SLMAP: variants seen among roughly 807,000 people sequenced by gnomAD.
SLMAP encodes sarcolemma associated protein.
Under a neutral mutation model 128.8 loss-of-function variants are expected in SLMAP, and 44 were observed. The ratio of observed to expected loss-of-function variants is 0.34; its 90% CI spans 0.27 to 0.44. The LOEUF (loss-of-function observed/expected upper bound fraction) is 0.44. SLMAP is among the 20% of genes least tolerant of loss of function. SLMAP has a pLI of 1.00. For synonymous variants in SLMAP, 327 were observed against 348.8 expected (o/e 0.94, Z 0.70); for missense variants, 787 against 985.3 (o/e 0.80, Z 2.69).
intron 5 of SLMAP, among the ~76,000 whole-genome samples, chr3:57,848,309 TCCCTTCTTCTCC>T (rs2094351700): frequency 1.3e-5 from 2 of 149,400 alleles, no homozygotes; most frequent in Non-Finnish European, 3.0e-5. Context: ...CCTCCTTCTC[TCCCTTCTTCTCC>T]CCCTTCTCCT....
intron 17 of SLMAP, chr3:57,899,421 C>T (rs1210007607): frequency 6.6e-6 from 1 of 152,130 alleles, no homozygotes; most frequent in Non-Finnish European, 1.5e-5. Context: ...CCTTGCTTTA[C>T]GTTAAGGTGA....
chr3:57,870,280 G>A (rs571826190), intron 13 of SLMAP, among the ~76,000 whole-genome samples: 1 of 152,044 alleles, frequency 6.6e-6, no homozygotes, highest in East Asian at 1.9e-4. Flanking sequence ...TTTTATCCTG[G>A]CAATTACTAT....
chr3:57,770,567 G>C (rs534466623), intron 2 of SLMAP, among the ~76,000 whole-genome samples: 1 of 152,324 alleles, frequency 6.6e-6, no homozygotes, highest in South Asian at 2.1e-4. Context: ...CCTTAAGGGA[G>C]GCAGTGTAGT....
rs2096825851 is a variant in SLMAP at position 57,916,943 on chromosome 3, A to G, written c.2176A>G (p.Ser726Gly). 6.2e-7 allele frequency: 1 copy of G among 1,613,694 alleles called. No homozygotes were observed. Among genetic ancestry groups the G allele is most frequent in the African/African-American group, 1.3e-5 (1 of 74,910 alleles). Reference protein sequence around the residue: ...KQSLELTSDLSILQMSRKELE... With the variant: ...KQSLELTSDLGILQMSRKELE... ...GAGTTTAGAGCTTACCAGTGATCTC[A>G]GCATCCTTCAAATGTCTAGGAAAGA... is the stretch of plus-strand genomic sequence containing the variant. Residue 726 changes from serine (S) to glycine (G), a missense_variant, in exon 22 of 25, where the codon AGC becomes GGC. This residue lies in a region of SLMAP where 715 missense variants were observed against 843.6 expected (regional missense o/e 0.85). Transcript: ENST00000671191.
At chr3:57,864,778 CTT>C (rs549408176) in intron 11 of SLMAP, 27 bp from the exon 12 acceptor site, 294 of 1,209,926 alleles carry the variant, frequency 2.4e-4, no homozygotes, top group Admixed American at 5.8e-4. Flanking sequence ...TGTGAAATAT[CTT>C]TTTTTTTTTT....
intron 2 of SLMAP, among the ~76,000 whole-genome samples, chr3:57,797,183 TAAAA>T (rs35969510): frequency 1.9e-5 from 2 of 102,700 alleles, no homozygotes; most frequent in East Asian, 2.9e-4. Flanking sequence ...TCCTGTATCT[TAAAA>T]AAAAAAAAAA....
At chr3:57,890,188 A>T in intron 15 of SLMAP, 88 bp downstream of exon 15, 1 of 1,282,076 alleles carries the variant, frequency 7.8e-7, no homozygotes, top group Non-Finnish European at 1.1e-6. Context: ...TATTTTAACC[A>T]TCAGTTTACT....
In SLMAP at chr3:57,906,325, T is replaced by C. The variant is rs796675354; in HGVS notation, c.1502-1559T>C. Among the ~76,000 whole-genome samples, 307 of 130,096 alleles carry C rather than the reference T, an allele frequency of 2.4e-3. 12 individuals are homozygous for C. The highest frequency in any genetic ancestry group is 8.4e-3 in the African/African-American group (296 of 35,218). The allele number at this position is 130,096 out of a possible 152,430, so 85.3% of individuals were successfully genotyped here. A position where few individuals can be genotyped will look rare whatever the true frequency, so the allele number is the denominator to read the frequency against. ...CTTTTTTTTTCTTTTTTTTTTTTTTTTTTTTTTAGAGACACAGTCACTCTC... is the reference window on the plus strand; with the variant it reads ...CTTTTTTTTTCTTTTTTTTTTTTTTCTTTTTTTAGAGACACAGTCACTCTC... On this transcript the variant is annotated intron_variant, in intron 17 of 24. Coordinates refer to ENST00000671191, the MANE Select transcript of SLMAP (RefSeq NM_001377540.1).
intron 12 of SLMAP, 75 bp downstream of exon 12, chr3:57,864,932 C>A: frequency 2.6e-6 from 3 of 1,150,294 alleles, no homozygotes; most frequent in Non-Finnish European, 3.7e-6. Context: ...CTGTCTCACA[C>A]TGCATTTTTT....
chr3:57,886,967 T>C (rs769203044), intron 14 of SLMAP, among the ~76,000 whole-genome samples: 66 of 152,188 alleles, frequency 4.3e-4, no homozygotes, highest in Non-Finnish European at 7.9e-4. Context: ...ATAGGGTTTT[T>C]GTTGGGTAAT....
At chr3:57,769,706 A>T (rs913718544) in intron 2 of SLMAP, among the ~76,000 whole-genome samples, 1 of 152,232 alleles carries the variant, frequency 6.6e-6, no homozygotes, top group Non-Finnish European at 1.5e-5. Context: ...TGAGTATTCA[A>T]GGTAGGTAGG....
chr3:57,871,359 G>T (rs1432101953), intron 13 of SLMAP, among the ~76,000 whole-genome samples: 1 of 152,048 alleles, frequency 6.6e-6, no homozygotes, highest in Non-Finnish European at 1.5e-5. Context: ...GTGGACAAAA[G>T]GTGGAAGAAC....
chr3:57,927,186 A>ATT (rs1483371238), intron 24 of SLMAP, 110 bp from the exon 25 acceptor site: 1 of 511,956 alleles, frequency 2.0e-6, no homozygotes, highest in East Asian at 3.3e-5. Context: ...CAGAAATAAG[A>ATT]TTTTTCCAAT....
chr3:57,795,012 A>C (rs1466075111), intron 2 of SLMAP, among the ~76,000 whole-genome samples: 1 of 152,166 alleles, frequency 6.6e-6, no homozygotes, highest in Non-Finnish European at 1.5e-5. Flanking sequence ...AATGTTTTCC[A>C]AGGTGCCTAT....
intron 5 of SLMAP, among the ~76,000 whole-genome samples, chr3:57,848,488 C>T (rs1209988838): frequency 1.4e-5 from 2 of 146,350 alleles, no homozygotes; most frequent in Non-Finnish European, 3.0e-5. Flanking sequence ...TTCGTCCTCC[C>T]TCCTCCTACT....
chr3:57,808,251 A>G (rs567922260), intron 2 of SLMAP, among the ~76,000 whole-genome samples: 1 of 151,532 alleles, frequency 6.6e-6, no homozygotes, highest in Non-Finnish European at 1.5e-5. Context: ...TTGTGTCTGT[A>G]TCTCCTTTAG....
chr3:57,860,776 A>G lies in SLMAP; in HGVS notation c.765A>G (p.Lys255=). The part of the protein sequence containing the change: ...EDKHNYETTA[K]ESLRRVLQEK... ...AACATAACTATGAGACAACAGCCAA[A>G]GAGTCCCTGAGGCGGGTTCTTCAGG... The change falls in exon 9 of 25, where the codon AAA becomes AAG. Residue 255 remains lysine (K), a synonymous_variant. Coordinates refer to ENST00000671191, the MANE Select transcript of SLMAP (RefSeq NM_001377540.1). 1 of 1,600,246 alleles carries G rather than the reference A, an allele frequency of 6.2e-7. No homozygotes were observed.
Position 57,873,670 on chromosome 3 carries a change from T to A in SLMAP, c.1300+1972T>A, listed in dbSNP as rs202153463. Among the ~76,000 whole-genome samples the A allele has an allele frequency of 2.6e-5, 4 of 151,978 alleles. No homozygotes were observed. The East Asian group carries it at 7.7e-4, about 29-fold the overall frequency. On this transcript the variant is annotated intron_variant, in intron 14 of 24. Transcript: ENST00000671191. ...TCCACTGATACCAACTAAAAGAATA[T>A]CTAATCTAAAATGCAAATCTTTAGG...
At chr3:57,881,158 T>A (rs927073182) in intron 14 of SLMAP, among the ~76,000 whole-genome samples, 1 of 151,804 alleles carries the variant, frequency 6.6e-6, no homozygotes, top group Non-Finnish European at 1.5e-5. Flanking sequence ...AATGCCACTG[T>A]ACTCCAGCCT....
Sources: allele counts gnomAD v4.1 joint callset (sites outside exome capture counted in the v4.1 genomes callset), GRCh38; gene constraint gnomAD v4.1.1; regional missense constraint gnomAD v4.1.1; transcripts MANE v1.5; gene names NCBI Gene and HGNC (gene_info 2026-07-23, HGNC 2026-07-21).